Variants in EMC8 observed in about 807,000 individuals in gnomAD.
EMC8 encodes ER membrane protein complex subunit 8.
A neutral mutation model predicts 24.3 loss-of-function variants in EMC8; 11 were observed. The observed-to-expected ratio is 0.45, with a 90% confidence interval of 0.28 to 0.75. EMC8 has a LOEUF of 0.75. Ranked by LOEUF, EMC8 falls within the 30% of genes least tolerant of loss-of-function variation. The probability of loss-of-function intolerance (pLI) is 0.12; values close to 1 mark genes in which losing one functional copy is unlikely to be tolerated. For missense variants in EMC8, 277 were observed against 282.7 expected (o/e 0.98, Z 0.14); for synonymous variants, 145 against 117.7 (o/e 1.23, Z -1.50).
chr16:85,797,004 A>G (rs1201924833), intron 1 of EMC8, among the ~76,000 whole-genome samples: 1 of 152,196 alleles, frequency 6.6e-6, no homozygotes, highest in Non-Finnish European at 1.5e-5. Flanking sequence ...ACTCAAAAAC[A>G]TTTATTAGAA....
intron 1 of EMC8, chr16:85,798,833 A>G: frequency 6.2e-6 from 3 of 482,192 alleles, no homozygotes; most frequent in Non-Finnish European, 1.1e-5. Flanking sequence ...TCGTCGCCTT[A>G]AAGTGCCTCT....
intron 1 of EMC8, among the ~76,000 whole-genome samples, chr16:85,793,283 C>T (rs918985235): frequency 6.6e-6 from 1 of 152,216 alleles, no homozygotes. Flanking sequence ...TGCCACTTAC[C>T]AACAAGATGA....
At chr16:85,796,524 G>C (rs1218370884) in intron 1 of EMC8, among the ~76,000 whole-genome samples, 1 of 152,166 alleles carries the variant, frequency 6.6e-6, no homozygotes, top group African/African-American at 2.4e-5. Context: ...CTCTCCTCCA[G>C]TGGCTTCCCT....
intron 2 of EMC8, among the ~76,000 whole-genome samples, chr16:85,786,499 G>A (rs1037300380): frequency 1.3e-5 from 2 of 152,140 alleles, no homozygotes; most frequent in African/African-American, 2.4e-5. Flanking sequence ...GACCCCGATA[G>A]AGCCCAGGGA....
chr16:85,799,200 G>T lies in EMC8; in HGVS notation c.96C>A (p.Ala32=), dbSNP rs148066312. Residue 32 remains alanine, a synonymous_variant, in exon 1 of 5, where the codon GCC becomes GCA. Transcript: ENST00000253457. This position sits in a 1 kb window ranked among gnomAD's most constrained non-coding sequence, Gnocchi z 4.2. The part of the protein sequence containing the change: ...PHCAVNGLLV[A]EKQKPRKEHL... Reference sequence around the variant, plus strand: ...GCTCCTTACGCGGCTTCTGCTTCTCGGCCACCAGGAGCCCGTTGACGGCGC... The same window carrying T: ...GCTCCTTACGCGGCTTCTGCTTCTCTGCCACCAGGAGCCCGTTGACGGCGC... 2.5e-6 allele frequency: 4 copies of T among 1,613,260 alleles called. No individual in the cohort carries two copies. The highest frequency in any genetic ancestry group is 3.3e-4 in the Middle Eastern group (2 of 6,074).
Position 85,780,723 on chromosome 16 carries a change from C to T in EMC8, c.379-250G>A, listed in dbSNP as rs537187299. ...TTCCAAACATGACTTCTTCCCTCAT[C>T]CTAGGATTCTGTCTGAATCAAGGCT... On this transcript the variant is annotated intron_variant, in intron 3 of 4. Coordinates refer to ENST00000253457, the MANE Select transcript of EMC8 (RefSeq NM_006067.5). The T allele has an allele frequency of 2.7e-4, 145 of 545,544 alleles. 1 individual carries two copies. The South Asian group carries it at 3.0e-3, about 11-fold the overall frequency. The allele number at this position is 545,544 out of a possible 1,614,324, so 33.8% of individuals were successfully genotyped here. A position where few individuals can be genotyped will look rare whatever the true frequency, so the allele number is the denominator to read the frequency against.
intron 1 of EMC8, among the ~76,000 whole-genome samples, chr16:85,797,029 G>A (rs546987506): frequency 2.6e-5 from 4 of 152,290 alleles, no homozygotes; most frequent in Non-Finnish European, 4.4e-5. Context: ...GAATAATCCC[G>A]CATAAATGCT....
intron 1 of EMC8, among the ~76,000 whole-genome samples, chr16:85,790,838 T>A (rs1904974486): frequency 6.8e-6 from 1 of 147,432 alleles, no homozygotes; most frequent in Non-Finnish European, 1.5e-5. Flanking sequence ...AAAACAACAC[T>A]TTTTTTTTTT....
intron 2 of EMC8, 64 bp downstream of exon 2, chr16:85,788,910 A>C: frequency 8.5e-7 from 1 of 1,177,340 alleles, no homozygotes; most frequent in Non-Finnish European, 1.3e-6. Context: ...AAAGCACACG[A>C]GAGACGGGGT....
chr16:85,782,628 C>A (rs1278198180), intron 2 of EMC8, among the ~76,000 whole-genome samples: 1 of 152,184 alleles, frequency 6.6e-6, no homozygotes, highest in South Asian at 2.1e-4. Flanking sequence ...ACTTCTTTAA[C>A]AAGCCGCTAG....
rs557646591 is a variant in EMC8, at chr16:85,783,942, G to T, written c.309-2662C>A. Among the ~76,000 whole-genome samples, 18 of 152,318 alleles carry T rather than the reference G, an allele frequency of 1.2e-4. No individual in the cohort carries two copies. In the Middle Eastern group the frequency reaches 0.014, roughly 115 times the overall value. ...TGCTTTCCTTCTGTGCATCCTGTCTGCCCTGCACAATCAAGGCTTTCAGCT... is the reference window on the plus strand; with the variant it reads ...TGCTTTCCTTCTGTGCATCCTGTCTTCCCTGCACAATCAAGGCTTTCAGCT... On this transcript the variant is annotated intron_variant, in intron 2 of 4. Transcript: ENST00000253457.
intron 2 of EMC8, chr16:85,784,638 T>C (rs1904666180): frequency 6.6e-6 from 1 of 151,938 alleles, no homozygotes; most frequent in African/African-American, 2.4e-5. Context: ...GGGAAGGCAG[T>C]GCTTCACTGC....
intron 4 of EMC8, 161 bp downstream of exon 4, chr16:85,780,217 TG>T (rs1904423070): frequency 4.7e-6 from 3 of 638,622 alleles, no homozygotes; most frequent in East Asian, 2.7e-5. Flanking sequence ...CTCTACTGCC[TG>T]GAAGCGCTGG....
At chr16:85,780,651 T>C (rs1343088186) in intron 3 of EMC8, 178 bp from the exon 4 acceptor site, 3 of 595,108 alleles carry the variant, frequency 5.0e-6, no homozygotes, top group Non-Finnish European at 9.0e-6. Flanking sequence ...TGTTGTGTCA[T>C]GCAGGAAAAC....
intron 2 of EMC8, among the ~76,000 whole-genome samples, chr16:85,787,919 T>C (rs1002868754): frequency 1.3e-5 from 2 of 152,232 alleles, no homozygotes; most frequent in South Asian, 4.1e-4. Context: ...AGCAATGCTG[T>C]CACCAGCTTA....
intron 1 of EMC8, among the ~76,000 whole-genome samples, chr16:85,795,369 G>A (rs1319146230): frequency 1.3e-5 from 2 of 152,180 alleles, no homozygotes; most frequent in Non-Finnish European, 1.5e-5. Flanking sequence ...CCCAAGCCAC[G>A]TTCCTGGGGT....
chr16:85,797,207 A>C (rs1045805916), intron 1 of EMC8, among the ~76,000 whole-genome samples: 1 of 152,234 alleles, frequency 6.6e-6, no homozygotes, highest in African/African-American at 2.4e-5. Flanking sequence ...AAGGAGTTCA[A>C]GACCAGCCTG....
intron 1 of EMC8, among the ~76,000 whole-genome samples, chr16:85,790,036 A>C (rs1904933140): frequency 6.6e-6 from 1 of 152,212 alleles, no homozygotes; most frequent in African/African-American, 2.4e-5. Context: ...TGCAGGTCTA[A>C]GGCCATTATT....
chr16:85,784,225 C>G (rs139834789), intron 2 of EMC8, among the ~76,000 whole-genome samples: 8 of 152,216 alleles, frequency 5.3e-5, no homozygotes, highest in Admixed American at 5.2e-4. Flanking sequence ...GTCTCGATCT[C>G]CTGACCTCGT....
Sources: gnomAD v4.1 joint callset for allele counts (sites outside exome capture counted in the v4.1 genomes callset) on GRCh38, gnomAD v4.1.1 for gene constraint, Gnocchi (gnomAD v3.1) non-coding constraint, MANE v1.5 for transcripts, NCBI Gene and HGNC (gene_info 2026-07-23, HGNC 2026-07-21) for gene names.